LCP1: variants seen among roughly 807,000 people sequenced by gnomAD.
The protein encoded by LCP1 is lymphocyte cytosolic protein 1.
A neutral mutation model predicts 72.0 loss-of-function variants in LCP1; 23 were observed. The ratio of observed to expected loss-of-function variants is 0.32; its 90% CI spans 0.23 to 0.45. The LOEUF (loss-of-function observed/expected upper bound fraction) is 0.45, where lower values mean the gene tolerates loss of function less well. Ranked by LOEUF, LCP1 falls within the 20% of genes least tolerant of loss-of-function variation. The probability of loss-of-function intolerance (pLI) is 1.00; values close to 1 mark genes in which losing one functional copy is unlikely to be tolerated. For missense variants in LCP1, 571 were observed against 748.3 expected (o/e 0.76, Z 2.76); for synonymous variants, 245 against 275.4 (o/e 0.89, Z 1.09).
chr13:46,128,630 A>G (rs1364137973), intron 15 of LCP1, among the ~76,000 whole-genome samples: 1 of 151,986 alleles, frequency 6.6e-6, no homozygotes, highest in Non-Finnish European at 1.5e-5. Flanking sequence ...TTACACATCA[A>G]TTTTTTTATT....
intron 15 of LCP1, among the ~76,000 whole-genome samples, chr13:46,128,529 C>T (rs1044576017): frequency 4.6e-5 from 7 of 151,910 alleles, no homozygotes; most frequent in Non-Finnish European, 8.8e-5. Context: ...ACCCGGGAGG[C>T]GGAGGCTGCA....
At chr13:46,152,393 T>A (rs2045774170) in intron 7 of LCP1, among the ~76,000 whole-genome samples, 1 of 152,182 alleles carries the variant, frequency 6.6e-6, no homozygotes, top group Admixed American at 6.5e-5. Context: ...ACCAAGTTCC[T>A]CCTAATCTGG....
intron 14 of LCP1, among the ~76,000 whole-genome samples, chr13:46,133,798 C>T (rs147158833): frequency 0.015 from 2,314 of 152,086 alleles, 26 homozygotes; most frequent in Non-Finnish European, 0.024. Flanking sequence ...CTCCATACCT[C>T]GCTGGTGGAT....
At chr13:46,139,786 G>A (rs527849739) in intron 13 of LCP1, among the ~76,000 whole-genome samples, 4 of 151,530 alleles carry the variant, frequency 2.6e-5, no homozygotes, top group African/African-American at 9.7e-5. Context: ...ACCTATTTTT[G>A]TTTAACTAAT....
chr13:46,126,744 C>T lies in LCP1; in HGVS notation c.*847G>A, dbSNP rs1024991102. 3 of 231,104 alleles carry T rather than the reference C, an allele frequency of 1.3e-5. No individual in the cohort carries two copies. Among genetic ancestry groups the T allele is most frequent in the Admixed American group, 5.6e-5 (1 of 17,702 alleles). The allele number at this position is 231,104 out of a possible 1,614,324, so 14.3% of individuals were successfully genotyped here. On this transcript the variant is annotated 3_prime_UTR_variant, in exon 16 of 16. Transcript: ENST00000323076. ...CTTAGTTATAGCTCCATGCTGCCGC[C>T]GAGTGGCTTGATGCTCCATTACACC... is the stretch of plus-strand genomic sequence containing the variant.
chr13:46,128,313 C>A (rs2045612081), intron 15 of LCP1, among the ~76,000 whole-genome samples: 1 of 152,222 alleles, frequency 6.6e-6, no homozygotes, highest in African/African-American at 2.4e-5. Flanking sequence ...AATATCCTGA[C>A]CTTGGCCAGG....
intron 13 of LCP1, among the ~76,000 whole-genome samples, chr13:46,137,209 TAA>T (rs150494599): frequency 0.015 from 1,983 of 129,830 alleles, 42 homozygotes; most frequent in African/African-American, 0.052. Context: ...AGTAAAACGA[TAA>T]AAAAAAAAAA....
intron 15 of LCP1, 132 bp from the exon 16 acceptor site, chr13:46,127,855 C>T (rs2045608805): frequency 1.3e-5 from 13 of 1,035,804 alleles, no homozygotes; most frequent in Non-Finnish European, 1.7e-5. Flanking sequence ...GAGTCAGTCA[C>T]CAGCATCCTC....
chr13:46,154,177 C>A (rs1316643861), intron 6 of LCP1, among the ~76,000 whole-genome samples: 2 of 152,130 alleles, frequency 1.3e-5, no homozygotes, highest in Non-Finnish European at 2.9e-5. Context: ...TCATTGTTCT[C>A]AATTTGGTTA....
Position 46,178,155 on chromosome 13 carries a change from C to T in LCP1, c.-25+3956G>A, listed in dbSNP as rs192641809. On this transcript the variant is annotated intron_variant, in intron 1 of 15. Transcript: ENST00000323076. ...ATATGAAGAGGACACCAGACACTAC[C>T]TCACAGGACTGTATGACAACTAAAT... is the stretch of plus-strand genomic sequence containing the variant. Among the ~76,000 whole-genome samples, 518 of 152,172 alleles carry T rather than the reference C, an allele frequency of 3.4e-3. 1 individual carries two copies. The highest frequency in any genetic ancestry group is 3.4e-3 in the African/African-American group (143 of 41,510).
chr13:46,147,882 G>T (rs2045740212), intron 9 of LCP1, among the ~76,000 whole-genome samples: 1 of 152,086 alleles, frequency 6.6e-6, no homozygotes, highest in African/African-American at 2.4e-5. Context: ...TACACATTAT[G>T]CATTTCATGA....
chr13:46,159,361 A>G lies in LCP1; in HGVS notation c.64+238T>C, dbSNP rs370760933. Reference sequence around the variant, plus strand: ...ACAAGATATAAAAGATGAGACTTACAAACCATTTCCAGGAACAAACTATGT... The same window carrying G: ...ACAAGATATAAAAGATGAGACTTACGAACCATTTCCAGGAACAAACTATGT... On this transcript the variant is annotated intron_variant, in intron 2 of 15. Coordinates refer to ENST00000323076, the MANE Select transcript of LCP1 (RefSeq NM_002298.5). 97 of 555,254 alleles carry G rather than the reference A, an allele frequency of 1.7e-4. No individual in the cohort carries two copies. In the African/African-American group the frequency reaches 1.8e-3, roughly 10 times the overall value. The allele number at this position is 555,254 out of a possible 1,614,324, so 34.4% of individuals were successfully genotyped here. A position where few individuals can be genotyped will look rare whatever the true frequency, so the allele number is the denominator to read the frequency against.
intron 6 of LCP1, 78 bp from the exon 7 acceptor site, chr13:46,153,023 T>C (rs1306068073): frequency 7.2e-6 from 10 of 1,396,028 alleles, no homozygotes; most frequent in Non-Finnish European, 9.7e-6. Flanking sequence ...ACAGTAACAA[T>C]GTTTTCCTTC....
chr13:46,157,614 T>C (rs977289984), intron 4 of LCP1, among the ~76,000 whole-genome samples: 1 of 152,134 alleles, frequency 6.6e-6, no homozygotes, highest in Non-Finnish European at 1.5e-5. Flanking sequence ...GTGTAGTGAA[T>C]GTATCTCCGC....
At chr13:46,130,543 T>C (rs2045627244) in intron 15 of LCP1, among the ~76,000 whole-genome samples, 2 of 152,128 alleles carry the variant, frequency 1.3e-5, no homozygotes, top group African/African-American at 2.4e-5. Flanking sequence ...TTTATGAAAC[T>C]ATAGGCTTGC....
chr13:46,153,890 A>G (rs1427995120), intron 6 of LCP1, among the ~76,000 whole-genome samples: 2 of 152,176 alleles, frequency 1.3e-5, no homozygotes, highest in South Asian at 2.1e-4. Flanking sequence ...TAACTCACAT[A>G]TAGTCGAGAT....
At chr13:46,131,625 C>T (rs1038043305) in intron 14 of LCP1, among the ~76,000 whole-genome samples, 15 of 152,030 alleles carry the variant, frequency 9.9e-5, no homozygotes, top group Non-Finnish European at 7.4e-5. Context: ...CAACAATGAA[C>T]TAGATAGAGA....
chr13:46,162,590 G>T (rs1021536914), intron 1 of LCP1, among the ~76,000 whole-genome samples: 4 of 152,052 alleles, frequency 2.6e-5, no homozygotes, highest in Non-Finnish European at 4.4e-5. Flanking sequence ...GCGGAGTCTC[G>T]TTCACTCAGT....
intron 1 of LCP1, among the ~76,000 whole-genome samples, chr13:46,171,872 T>A (rs948111549): frequency 6.6e-6 from 1 of 152,238 alleles, no homozygotes; most frequent in Admixed American, 6.5e-5. Context: ...GTCCTCAGGG[T>A]CAGCATCTGC....
Sources: gnomAD v4.1 joint callset for allele counts (sites outside exome capture counted in the v4.1 genomes callset) on GRCh38, gnomAD v4.1.1 for gene constraint, MANE v1.5 for transcripts, NCBI Gene and HGNC (gene_info 2026-07-23, HGNC 2026-07-21) for gene names.